The following ZNF618 variants were observed in gnomAD, a reference collection of about 807,000 sequenced individuals.
ZNF618 encodes neural precursor cell expressed, developmentally down-regulated 10.
A neutral mutation model predicts 103.0 loss-of-function variants in ZNF618; 34 were observed. The observed-to-expected ratio is 0.33, with a 90% CI of 0.25 to 0.44. ZNF618 has a LOEUF of 0.44. ZNF618 is among the 20% of genes least tolerant of loss of function. ZNF618 has a pLI of 1.00. For synonymous variants in ZNF618, 551 were observed against 542.2 expected, an observed-to-expected ratio of 1.02 and a Z score of -0.23; for missense variants, 1,059 against 1,295.4, an observed-to-expected ratio of 0.82 and a Z score of 2.80.
intron 9 of ZNF618, among the ~76,000 whole-genome samples, chr9:114,013,479 G>A (rs998633830): frequency 2.0e-5 from 3 of 152,144 alleles, no homozygotes; most frequent in Non-Finnish European, 4.4e-5. Flanking sequence ...CGCCCAGGCT[G>A]GAGTGCAGTG....
At chr9:113,962,076 T>G (rs568404208) in intron 1 of ZNF618, among the ~76,000 whole-genome samples, 4 of 152,310 alleles carry the variant, frequency 2.6e-5, no homozygotes, top group African/African-American at 9.6e-5. Context: ...GAGGGATATT[T>G]AAACCACAGT....
At chr9:113,962,610 C>T (rs982185042) in intron 1 of ZNF618, among the ~76,000 whole-genome samples, 1 of 152,196 alleles carries the variant, frequency 6.6e-6, no homozygotes, top group Non-Finnish European at 1.5e-5. Flanking sequence ...GCCAAGCACA[C>T]CAGGCATGCT....
chr9:114,005,850 A>G (rs948886647), intron 6 of ZNF618, among the ~76,000 whole-genome samples: 1 of 152,208 alleles, frequency 6.6e-6, no homozygotes, highest in Admixed American at 6.5e-5. Context: ...GAATCAGCTC[A>G]TCTACATCCC....
intron 9 of ZNF618, among the ~76,000 whole-genome samples, chr9:114,008,913 G>A (rs1841998468): frequency 6.6e-6 from 1 of 152,194 alleles, no homozygotes; most frequent in African/African-American, 2.4e-5. Context: ...ATGAGATCCT[G>A]GATGTGAACC....
At chr9:113,878,623 G>A (rs1828188929) in intron 1 of ZNF618, among the ~76,000 whole-genome samples, 1 of 152,190 alleles carries the variant, frequency 6.6e-6, no homozygotes, top group Non-Finnish European at 1.5e-5. Context: ...GGGATTTTGA[G>A]CCTATCCCCC....
At chr9:113,895,022 T>C (rs1247403130) in intron 1 of ZNF618, among the ~76,000 whole-genome samples, 1 of 152,176 alleles carries the variant, frequency 6.6e-6, no homozygotes, top group African/African-American at 2.4e-5. Context: ...ATTTCTTTTC[T>C]TAGTGAGAAG....
chr9:113,957,746 T>A (rs1486290839), intron 1 of ZNF618, among the ~76,000 whole-genome samples: 1 of 151,962 alleles, frequency 6.6e-6, no homozygotes, highest in Non-Finnish European at 1.5e-5. Context: ...TCACCTAATT[T>A]GGAGTTTGCA....
In ZNF618 at chr9:113,876,354, C is replaced by T. The variant is rs1827921671; in HGVS notation, c.-27C>T. On this transcript the variant is annotated 5_prime_UTR_variant, in exon 1 of 15. Transcript: ENST00000374126. The stretch of plus-strand genomic sequence containing the variant: ...CCGGCCCGGGAGGAGCAGGACGCGC[C>T]GGGGCCGCCTCCTCCCGCACGGACC... 2 of 1,187,568 alleles carry T rather than the reference C, an allele frequency of 1.7e-6. No homozygotes were observed. The highest frequency in any genetic ancestry group is 1.0e-6 in the Non-Finnish European group (1 of 963,180). 73.6% of individuals were successfully genotyped at this position (1,187,568 alleles called of 1,614,324 possible).
At chr9:113,923,867 T>C (rs1832855760) in intron 1 of ZNF618, among the ~76,000 whole-genome samples, 1 of 152,070 alleles carries the variant, frequency 6.6e-6, no homozygotes, top group Non-Finnish European at 1.5e-5. Flanking sequence ...GCATTATATT[T>C]ACTGATTGGG....
At chr9:114,001,854 A>T in intron 4 of ZNF618, 142 bp from the exon 5 acceptor site, 1 of 736,164 alleles carries the variant, frequency 1.4e-6, no homozygotes, top group South Asian at 1.6e-5. Flanking sequence ...CGTGACTTCT[A>T]GCTCGGTGCT....
rs960928428 is a variant in ZNF618, at chr9:114,052,740, C to G, written c.*2573C>G. Reference sequence around the variant, plus strand: ...TCCCTCTACTTGGAGCAAAGTTGTGCTGGTGATGCCCCATTATTGGGCCAG... The same window carrying G: ...TCCCTCTACTTGGAGCAAAGTTGTGGTGGTGATGCCCCATTATTGGGCCAG... On this transcript the variant is annotated 3_prime_UTR_variant, in exon 15 of 15. Transcript: ENST00000374126. The G allele has an allele frequency of 2.0e-5, 3 of 152,208 alleles. No individual in the cohort carries two copies. Among genetic ancestry groups the G allele is most frequent in the Non-Finnish European group, 4.4e-5 (3 of 68,046 alleles). 9.4% of individuals were successfully genotyped at this position (152,208 alleles called of 1,614,324 possible). A position where few individuals can be genotyped will look rare whatever the true frequency, so the allele number is the denominator to read the frequency against.
At chr9:114,031,182 A>G (rs1471228886) in intron 11 of ZNF618, among the ~76,000 whole-genome samples, 2 of 152,202 alleles carry the variant, frequency 1.3e-5, no homozygotes, top group Non-Finnish European at 2.9e-5. Context: ...GATGTAAAGT[A>G]TCTGGTCCAG....
chr9:113,892,199 G>GC lies in ZNF618; in HGVS notation c.33+15793dup, dbSNP rs960235040. Among the ~76,000 whole-genome samples, 26 of 151,962 alleles carry GC rather than the reference G, an allele frequency of 1.7e-4. 1 individual carries two copies. The highest frequency in any genetic ancestry group is 3.9e-4 in the East Asian group (2 of 5,168). ...CCGTGGGGGATTGGTTCCATGCCCC[G>GC]CCCCCCCAATATAAAAATCCATGGA... On this transcript the variant is annotated intron_variant, in intron 1 of 14. Coordinates refer to ENST00000374126, the MANE Select transcript of ZNF618 (RefSeq NM_001318042.2).
intron 1 of ZNF618, among the ~76,000 whole-genome samples, chr9:113,948,595 T>C (rs907579539): frequency 6.6e-6 from 1 of 152,252 alleles, no homozygotes; most frequent in African/African-American, 2.4e-5. Flanking sequence ...AAAGGCCATG[T>C]GTTATTTAAC....
intron 1 of ZNF618, among the ~76,000 whole-genome samples, chr9:113,956,293 A>C (rs1836291487): frequency 6.7e-6 from 1 of 150,246 alleles, no homozygotes; most frequent in Admixed American, 6.7e-5. Context: ...CCCCAACTTT[A>C]CCATACTCAC....
chr9:114,000,154 C>A (rs141235660), intron 4 of ZNF618, among the ~76,000 whole-genome samples: 5 of 152,162 alleles, frequency 3.3e-5, no homozygotes, highest in Middle Eastern at 3.2e-3. Context: ...AGGATGACAG[C>A]GGCCCTTGGA....
intron 1 of ZNF618, among the ~76,000 whole-genome samples, chr9:113,925,341 A>G (rs908665601): frequency 7.9e-5 from 12 of 151,624 alleles, no homozygotes; most frequent in Admixed American, 7.9e-4. Context: ...AATTAGTCTT[A>G]GTATGGTATA....
rs1362975654 is a variant in ZNF618 at position 114,053,038 on chromosome 9, G to C, written c.*2871G>C. 4 of 152,340 alleles carry C rather than the reference G, an allele frequency of 2.6e-5. No individual in the cohort carries two copies. The highest frequency in any genetic ancestry group is 2.0e-4 in the Admixed American group (3 of 15,280). 9.4% of individuals were successfully genotyped at this position (152,340 alleles called of 1,614,324 possible). A position where few individuals can be genotyped will look rare whatever the true frequency, so the allele number is the denominator to read the frequency against. The stretch of plus-strand genomic sequence containing the variant: ...CCTTGTCCAGTTAGATAACAAGATA[G>C]CAGATGATTGTTTCTTGCAACCTCT... On this transcript the variant is annotated 3_prime_UTR_variant, in exon 15 of 15. Coordinates refer to ENST00000374126, the MANE Select transcript of ZNF618 (RefSeq NM_001318042.2).
intron 1 of ZNF618, among the ~76,000 whole-genome samples, chr9:113,886,457 A>G (rs1242967744): frequency 1.3e-5 from 2 of 152,242 alleles, no homozygotes; most frequent in Non-Finnish European, 2.9e-5. Context: ...GAATAAAAGA[A>G]TAGACGAAGA....
Sources: gnomAD v4.1 joint callset for allele counts (sites outside exome capture counted in the v4.1 genomes callset) on GRCh38, gnomAD v4.1.1 for gene constraint, MANE v1.5 for transcripts, NCBI Gene and HGNC (gene_info 2026-07-23, HGNC 2026-07-21) for gene names.